Variants in BTBD8 observed in about 807,000 individuals in gnomAD.
BTBD8 encodes the protein BTB domain containing 8.
A neutral mutation model predicts 162.9 loss-of-function variants in BTBD8; 110 were observed. The observed-to-expected ratio is 0.68, with a 90% CI of 0.58 to 0.79. The LOEUF is 0.79. BTBD8 is among the 30% of genes least tolerant of loss of function. BTBD8 has a pLI of 0.00. For synonymous variants in BTBD8, 667 were observed against 716.1 expected (o/e 0.93, Z 1.10); for missense variants, 1,905 against 2,085.4 (o/e 0.91, Z 1.68).
intron 3 of BTBD8, among the ~76,000 whole-genome samples, chr1:92,105,278 G>C (rs1446469183): frequency 6.7e-6 from 1 of 148,696 alleles, no homozygotes; most frequent in Non-Finnish European, 1.5e-5. Flanking sequence ...AATGAGATGG[G>C]GTCTCACTCT....
chr1:92,129,011 G>A (rs1230231226), intron 4 of BTBD8, among the ~76,000 whole-genome samples: 1 of 151,960 alleles, frequency 6.6e-6, no homozygotes. Flanking sequence ...TTTAGTATGA[G>A]ATAGAAGGCC....
chr1:92,098,747 C>T (rs570700076), intron 2 of BTBD8, among the ~76,000 whole-genome samples: 3 of 152,168 alleles, frequency 2.0e-5, no homozygotes, highest in East Asian at 3.9e-4. Flanking sequence ...AAACTAATCA[C>T]GTCCTTTGCC....
At chr1:92,128,283 A>ATT (rs1314264555) in intron 4 of BTBD8, among the ~76,000 whole-genome samples, 1 of 108,276 alleles carries the variant, frequency 9.2e-6, no homozygotes, top group Non-Finnish European at 2.0e-5. Context: ...CACCTGAATA[A>ATT]TTTTTTTTTT....
intron 9 of BTBD8, chr1:92,150,687 G>A (rs970895464): frequency 1.3e-5 from 2 of 152,160 alleles, no homozygotes; most frequent in South Asian, 2.1e-4. Flanking sequence ...CCAGCGCAGG[G>A]TGCACTCACA....
intron 7 of BTBD8, among the ~76,000 whole-genome samples, chr1:92,145,035 C>T (rs1050069375): frequency 3.3e-5 from 5 of 152,166 alleles, no homozygotes; most frequent in African/African-American, 1.2e-4. Flanking sequence ...TCTCAGCTCA[C>T]TGCAACCTCC....
At chr1:92,165,133 A>T (rs80066885) in intron 9 of BTBD8, among the ~76,000 whole-genome samples, 3,158 of 152,162 alleles carry the variant, frequency 0.021, 78 homozygotes, top group African/African-American at 0.057. Flanking sequence ...AAAAAAAAAA[A>T]AAGAATTATT....
intron 2 of BTBD8, among the ~76,000 whole-genome samples, chr1:92,091,286 T>C (rs945826003): frequency 5.9e-5 from 9 of 152,168 alleles, no homozygotes; most frequent in South Asian, 2.1e-4. Flanking sequence ...GCTTTCTTCT[T>C]CGCCTTCTGC....
In BTBD8 at chr1:92,181,659, C is replaced by G. The variant is rs1235897811; in HGVS notation, c.3976C>G (p.Gln1326Glu). 5.2e-6 allele frequency: 8 copies of G among 1,550,352 alleles called. No individual in the cohort carries two copies. Among genetic ancestry groups the G allele is most frequent in the Non-Finnish European group, 7.0e-6 (8 of 1,146,300 alleles). ...NLRIEVKMKK[Q>E]SNNDLFQVNS... is the part of the protein sequence containing the mutation. ...AAGAATTGAAGTAAAAATGAAAAAG[C>G]AAAGTAATAATGATCTTTTCCAAGT... The change falls in exon 17 of 18, where the codon CAA becomes GAA. Residue 1326 changes from glutamine to glutamate, a missense_variant. Physicochemically the swap from Gln to Glu is conservative, Grantham distance 29 (BLOSUM62 2). Coordinates refer to ENST00000636805, the MANE Select transcript of BTBD8 (RefSeq NM_001376131.1).
intron 5 of BTBD8, 151 bp from the exon 6 acceptor site, chr1:92,139,199 A>G (rs906206034): frequency 2.8e-6 from 2 of 709,738 alleles, no homozygotes; most frequent in Admixed American, 3.8e-5. Context: ...AATTAATGGT[A>G]TACCTGCATG....
intron 1 of BTBD8, among the ~76,000 whole-genome samples, chr1:92,082,922 C>A (rs1332163324): frequency 6.6e-6 from 1 of 152,212 alleles, no homozygotes; most frequent in East Asian, 1.9e-4. Context: ...GTTTTACTTA[C>A]TTCTCTCATG....
intron 4 of BTBD8, chr1:92,126,236 A>G (rs887934330): frequency 7.0e-6 from 4 of 569,292 alleles, no homozygotes; most frequent in African/African-American, 3.8e-5. Flanking sequence ...CTATGCTGCA[A>G]CGTTGATAAG....
At chr1:92,121,738 C>T (rs764716931) in intron 4 of BTBD8, among the ~76,000 whole-genome samples, 2 of 152,178 alleles carry the variant, frequency 1.3e-5, no homozygotes, top group Admixed American at 6.5e-5. Context: ...GTACCTATCC[C>T]TACCCCAGCC....
intron 4 of BTBD8, among the ~76,000 whole-genome samples, chr1:92,114,215 G>T (rs1648977634): frequency 6.6e-6 from 1 of 151,900 alleles, no homozygotes; most frequent in African/African-American, 2.4e-5. Flanking sequence ...GAAGCACTGA[G>T]GATTAAATGG....
chr1:92,178,847 C>T (rs1360045274), intron 16 of BTBD8, among the ~76,000 whole-genome samples: 1 of 152,180 alleles, frequency 6.6e-6, no homozygotes, highest in Non-Finnish European at 1.5e-5. Context: ...ACTAATTTAT[C>T]TGCATTTCTG....
chr1:92,098,602 A>G (rs958243847), intron 2 of BTBD8, among the ~76,000 whole-genome samples: 5 of 151,948 alleles, frequency 3.3e-5, no homozygotes, highest in African/African-American at 1.2e-4. Context: ...AATTATACCT[A>G]TCCTAGTGGC....
chr1:92,156,473 G>A (rs1650160272), intron 9 of BTBD8, among the ~76,000 whole-genome samples: 1 of 152,086 alleles, frequency 6.6e-6, no homozygotes. Context: ...CAGTTTTTTG[G>A]AAGGGTGTGA....
At chr1:92,144,662 T>A (rs1296315281) in intron 7 of BTBD8, among the ~76,000 whole-genome samples, 1 of 151,696 alleles carries the variant, frequency 6.6e-6, no homozygotes, top group Non-Finnish European at 1.5e-5. Context: ...TTAAAAAAAA[T>A]TAGCCAGGCA....
chr1:92,165,427 A>G (rs1650363110), intron 9 of BTBD8, among the ~76,000 whole-genome samples: 1 of 152,174 alleles, frequency 6.6e-6, no homozygotes, highest in Admixed American at 6.5e-5. Context: ...ACAAAAAGCA[A>G]CAGATTTTCT....
intron 7 of BTBD8, among the ~76,000 whole-genome samples, chr1:92,144,681 T>A (rs1649866424): frequency 6.6e-6 from 1 of 151,602 alleles, no homozygotes; most frequent in Admixed American, 6.6e-5. Context: ...CATAGTGGGA[T>A]GTGCCTGTGG....
Sources: gnomAD v4.1 joint callset for allele counts (sites outside exome capture counted in the v4.1 genomes callset) on GRCh38, gnomAD v4.1.1 for gene constraint, MANE v1.5 for transcripts, NCBI Gene and HGNC (gene_info 2026-07-23, HGNC 2026-07-21) for gene names.